The following ASPH variants were observed in gnomAD, a reference collection of about 807,000 sequenced individuals.
ASPH encodes the protein aspartate beta-hydroxylase, also known as aspartyl/asparaginyl beta-hydroxylase.
ASPH carries 100 observed loss-of-function variants against 118.4 expected under a neutral mutation model. That is an observed-to-expected ratio of 0.84 (90% CI 0.72 to 1.00). The LOEUF (loss-of-function observed/expected upper bound fraction) is 1.00, where lower values mean the gene tolerates loss of function less well. Ranked by LOEUF, ASPH falls within the 50% of genes least tolerant of loss-of-function variation. The pLI, the probability that ASPH is intolerant of heterozygous loss-of-function variation, is 0.00. For synonymous variants in ASPH, 315 were observed against 325.6 expected (o/e 0.97, Z 0.35); for missense variants, 920 against 919.5 (o/e 1.00, Z -0.01).
At chr8:61,604,160 T>C (rs972012571) in intron 14 of ASPH, among the ~76,000 whole-genome samples, 1 of 152,184 alleles carries the variant, frequency 6.6e-6, no homozygotes, top group Non-Finnish European at 1.5e-5. Context: ...ATGGCTTCAA[T>C]GAGTGAGCAT....
At chr8:61,621,375 G>A (rs558237615) in intron 13 of ASPH, among the ~76,000 whole-genome samples, 4 of 150,988 alleles carry the variant, frequency 2.6e-5, no homozygotes, top group South Asian at 4.2e-4. Context: ...CAGAGAATAC[G>A]TTTTAGGCTC....
At chr8:61,579,333 C>G in intron 15 of ASPH, 3 of 1,614,176 alleles carry the variant, frequency 1.9e-6, no homozygotes, top group Admixed American at 1.7e-5. Flanking sequence ...ACGGCAGCTG[C>G]GTGAGTACCA....
intron 5 of ASPH, among the ~76,000 whole-genome samples, chr8:61,649,660 C>T (rs1054155100): frequency 6.6e-6 from 1 of 151,988 alleles, no homozygotes; most frequent in Non-Finnish European, 1.5e-5. Flanking sequence ...GCCCACCCCC[C>T]ACCACCTAAA....
intron 12 of ASPH, among the ~76,000 whole-genome samples, chr8:61,634,162 G>T (rs1856800139): frequency 2.6e-5 from 4 of 152,190 alleles, no homozygotes; most frequent in Admixed American, 2.0e-4. Flanking sequence ...TCTGAGACTA[G>T]TCAAAGATAT....
intron 3 of ASPH, chr8:61,668,108 C>T (rs906468928): frequency 2.2e-6 from 2 of 902,584 alleles, no homozygotes; most frequent in Non-Finnish European, 1.7e-6. Context: ...CTAAGTTGCA[C>T]CCAAGCAAGA....
chr8:61,591,317 T>A (rs909396000), intron 14 of ASPH, among the ~76,000 whole-genome samples: 1 of 151,900 alleles, frequency 6.6e-6, no homozygotes, highest in Non-Finnish European at 1.5e-5. Context: ...GAAAATTACC[T>A]GAGAGTTGCT....
chr8:61,517,224 T>C (rs1811232898), intron 24 of ASPH: 2 of 309,374 alleles, frequency 6.5e-6, no homozygotes, highest in South Asian at 6.9e-5. Flanking sequence ...CAGGGCTCAA[T>C]GCATGTTGGC....
At chr8:61,616,350 A>G (rs1166312144) in intron 14 of ASPH, among the ~76,000 whole-genome samples, 4 of 152,166 alleles carry the variant, frequency 2.6e-5, no homozygotes, top group Admixed American at 1.3e-4. Flanking sequence ...AGATATGAGG[A>G]GCTCACAATT....
At chr8:61,633,824 A>T in intron 12 of ASPH, 97 bp from the exon 13 acceptor site, 2 of 822,788 alleles carry the variant, frequency 2.4e-6, no homozygotes, top group African/African-American at 1.8e-5. Flanking sequence ...CTTTTCATAG[A>T]TTTTTTAAAC....
intron 24 of ASPH, among the ~76,000 whole-genome samples, chr8:61,506,686 T>C (rs1806710573): frequency 1.3e-5 from 2 of 152,116 alleles, no homozygotes. Context: ...GCATAATTGA[T>C]GTGAGGATTA....
At position 61,517,629 on chromosome 8, in the gene ASPH, G is replaced by C. The variant is rs149186983; in HGVS notation, c.2025C>G (p.His675Gln). 3 of 1,613,988 alleles carry C rather than the reference G, an allele frequency of 1.9e-6. No homozygotes were observed. The highest frequency in any genetic ancestry group is 1.1e-5 in the South Asian group (1 of 91,094). Residue 675 changes from histidine (H) to glutamine (Q), a missense_variant, in exon 24 of 25, where the codon CAC (histidine) becomes CAG (glutamine). Coordinates refer to ENST00000379454, the MANE Select transcript of ASPH (RefSeq NM_004318.4). ...IKYSIMHPGT[H>Q]VWPHTGPTNC... ...TTGTGGGCCCTGTGTGCGGCCACAC[G>C]TGAGTCCCGGGGTGCATGATGGAAT... is the stretch of plus-strand genomic sequence containing the variant.
chr8:61,588,692 T>C (rs935166617), intron 14 of ASPH, among the ~76,000 whole-genome samples: 15 of 152,208 alleles, frequency 9.9e-5, no homozygotes, highest in African/African-American at 4.8e-5. Flanking sequence ...AATACACCCA[T>C]AGATCCCCAG....
chr8:61,638,291 C>A lies in ASPH; in HGVS notation c.832+31G>T, dbSNP rs769356610. 5 of 1,594,350 alleles carry A rather than the reference C, an allele frequency of 3.1e-6. No homozygotes were observed. The African/African-American group carries it at 6.8e-5, about 22-fold the overall frequency. On this transcript the variant is annotated intron_variant, in intron 11 of 24. Coordinates refer to ENST00000379454, the MANE Select transcript of ASPH (RefSeq NM_004318.4). ...ACAAAATACAGGGAAAGCTGACTTG[C>A]AGAAAATATGTGCTTACAGAAAAAA...
rs994866079 is a variant in ASPH, at chr8:61,714,089, G to A, written c.103+180C>T. Among the ~76,000 whole-genome samples, 1 of 152,088 alleles carries A rather than the reference G, an allele frequency of 6.6e-6. No homozygotes were observed. On this transcript the variant is annotated intron_variant, in intron 1 of 24. Coordinates refer to ENST00000379454, the MANE Select transcript of ASPH (RefSeq NM_004318.4). The stretch of plus-strand genomic sequence containing the variant: ...CGGACCCCGGTCCGCCTGGCCCCTC[G>A]CCCGCCCGCCAGGCCCGCCGAATGC...
intron 24 of ASPH, among the ~76,000 whole-genome samples, chr8:61,507,060 T>G (rs1806879390): frequency 6.6e-6 from 1 of 152,226 alleles, no homozygotes; most frequent in African/African-American, 2.4e-5. Context: ...TTCACTAGAT[T>G]ATGATACGTA....
At chr8:61,504,032 G>T (rs796263842) in intron 24 of ASPH, among the ~76,000 whole-genome samples, 2 of 152,222 alleles carry the variant, frequency 1.3e-5, no homozygotes, top group African/African-American at 4.8e-5. Flanking sequence ...GGGCAGATTG[G>T]GAATAAATTT....
At chr8:61,521,463 G>A (rs2129620681) in intron 22 of ASPH, among the ~76,000 whole-genome samples, 1 of 152,314 alleles carries the variant, frequency 6.6e-6, no homozygotes, top group South Asian at 2.1e-4. Flanking sequence ...CAGAGATTCA[G>A]GGACATGCAC....
At chr8:61,532,265 C>T (rs181142197) in intron 21 of ASPH, among the ~76,000 whole-genome samples, 4 of 151,950 alleles carry the variant, frequency 2.6e-5, no homozygotes, top group East Asian at 3.9e-4. Context: ...CCTTTTGATT[C>T]GCATTTCTCT....
intron 3 of ASPH, chr8:61,657,168 G>A (rs898902285): frequency 6.6e-6 from 1 of 152,144 alleles, no homozygotes. Context: ...ATAATACTTT[G>A]GCAAAAGGAC....
Sources: allele counts gnomAD v4.1 joint callset (sites outside exome capture counted in the v4.1 genomes callset), GRCh38; gene constraint gnomAD v4.1.1; transcripts MANE v1.5; gene names NCBI Gene and HGNC (gene_info 2026-07-23, HGNC 2026-07-21).